EBF2: variants seen among roughly 807,000 people sequenced by gnomAD.
EBF2 encodes EBF transcription factor 2, also known as transcription factor COE2.
A neutral mutation model predicts 72.8 loss-of-function variants in EBF2; 21 were observed. That is an observed-to-expected ratio of 0.29 (90% CI 0.20 to 0.42). EBF2 has a LOEUF of 0.42. EBF2 is among the 10% of genes least tolerant of loss of function. The pLI is 1.00. For missense variants in EBF2, 637 were observed against 731.2 expected, an observed-to-expected ratio of 0.87 and a Z score of 1.49; for synonymous variants, 299 against 274.2, an observed-to-expected ratio of 1.09 and a Z score of -0.89.
In EBF2 at chr8:26,044,937, C is replaced by T. The variant is rs1805678173; in HGVS notation, c.-78G>A. The T allele has an allele frequency of 6.7e-7, 1 of 1,494,944 alleles. No homozygotes were observed. Among genetic ancestry groups the T allele is most frequent in the Admixed American group, 1.9e-5 (1 of 53,262 alleles). The allele number at this position is 1,494,944 out of a possible 1,614,324, so 92.6% of individuals were successfully genotyped here. Reference sequence around the variant, plus strand: ...TCCTGACTGTTCCCAACGTTGCCAGCAAATCGTCTCCTCCAAAGCAATCCA... The same window carrying T: ...TCCTGACTGTTCCCAACGTTGCCAGTAAATCGTCTCCTCCAAAGCAATCCA... On this transcript the variant is annotated 5_prime_UTR_variant, in exon 1 of 16. Transcript: ENST00000520164. The surrounding 1 kb of genome is among the most constrained non-coding windows in gnomAD (Gnocchi z 4.1).
chr8:25,931,506 T>C (rs995364316), intron 6 of EBF2, among the ~76,000 whole-genome samples: 5 of 152,194 alleles, frequency 3.3e-5, no homozygotes, highest in Admixed American at 2.6e-4. Context: ...ATAGAGAGAA[T>C]AATTCACTCC....
rs1484325449 is a variant in EBF2 at position 26,042,249 on chromosome 8, C to G, written c.134G>C (p.Gly45Ala). 1 of 1,612,432 alleles carries G rather than the reference C, an allele frequency of 6.2e-7. No homozygotes were observed. The highest frequency in any genetic ancestry group is 1.3e-5 in the African/African-American group (1 of 74,852). ...AAAGTGGGCCCGGGACAGGGCGACCCCGCTGCACAGGGAGAAAAACGGGGG... is the reference window on the plus strand; with the variant it reads ...AAAGTGGGCCCGGGACAGGGCGACCGCGCTGCACAGGGAGAAAAACGGGGG... ...VVDANVAAQSGVALSRAHFEK... is the reference protein window; with the variant it reads ...VVDANVAAQSAVALSRAHFEK... Residue 45 changes from glycine to alanine, a missense_variant and splice_region_variant, in exon 2 of 16, where the codon GGG becomes GCG. By Grantham distance (60) the Gly-to-Ala change is moderately conservative (BLOSUM62 0). Coordinates refer to ENST00000520164, the MANE Select transcript of EBF2 (RefSeq NM_022659.4).
chr8:25,903,350 G>A (rs896138442), intron 7 of EBF2, among the ~76,000 whole-genome samples: 6 of 152,060 alleles, frequency 3.9e-5, no homozygotes, highest in Non-Finnish European at 8.8e-5. Context: ...CATATTTTAA[G>A]AGGTAACTCT....
At chr8:25,920,164 G>T (rs1362644673) in intron 6 of EBF2, among the ~76,000 whole-genome samples, 1 of 152,156 alleles carries the variant, frequency 6.6e-6, no homozygotes. Context: ...AAAGGGTCAT[G>T]GAAATCTTTA....
intron 6 of EBF2, among the ~76,000 whole-genome samples, chr8:26,031,196 A>G (rs1805397358): frequency 6.6e-6 from 1 of 152,172 alleles, no homozygotes; most frequent in South Asian, 2.1e-4. Flanking sequence ...AAGATAGTGG[A>G]AAAGACTAGA....
intron 6 of EBF2, among the ~76,000 whole-genome samples, chr8:25,954,293 C>T (rs1456619372): frequency 6.6e-6 from 1 of 152,166 alleles, no homozygotes; most frequent in African/African-American, 2.4e-5. Context: ...CACAGCATCC[C>T]AGAGGGCTGC....
intron 5 of EBF2, 52 bp downstream of exon 5, chr8:26,039,976 G>T: frequency 6.3e-7 from 1 of 1,586,912 alleles, no homozygotes; most frequent in South Asian, 1.1e-5. Context: ...CCAAGGCGGG[G>T]CTGGAGCACC....
intron 6 of EBF2, among the ~76,000 whole-genome samples, chr8:26,012,127 T>C (rs1585227149): frequency 6.6e-6 from 1 of 152,340 alleles, no homozygotes; most frequent in East Asian, 1.9e-4. Context: ...ATCATTTCCC[T>C]AGAGTTCCTG....
At chr8:25,861,420 G>A in intron 11 of EBF2, 46 bp from the exon 12 acceptor site, 1 of 1,604,084 alleles carries the variant, frequency 6.2e-7, no homozygotes, top group Non-Finnish European at 8.5e-7. Context: ...CAAAATCCAA[G>A]ATGGCAAACA....
rs1468615211 is a variant in EBF2, at chr8:25,847,867, C to T, written c.1696+2727G>A. ...CGACAGGTAGTTCTATTTTTTTCCTCCCCGACCTACTCCAAACATTTTATC... is the reference window on the plus strand; with the variant it reads ...CGACAGGTAGTTCTATTTTTTTCCTTCCCGACCTACTCCAAACATTTTATC... On this transcript the variant is annotated intron_variant, in intron 15 of 15. Coordinates refer to ENST00000520164, the MANE Select transcript of EBF2 (RefSeq NM_022659.4). Among the ~76,000 whole-genome samples, 6 of 151,924 alleles carry T rather than the reference C, an allele frequency of 3.9e-5. No homozygotes were observed. The East Asian group carries it at 1.2e-3, about 29-fold the overall frequency.
chr8:25,952,994 A>G (rs1009110307), intron 6 of EBF2, among the ~76,000 whole-genome samples: 1 of 152,226 alleles, frequency 6.6e-6, no homozygotes, highest in Non-Finnish European at 1.5e-5. Context: ...ATGTTAGAAC[A>G]GAAAAACAAA....
intron 7 of EBF2, among the ~76,000 whole-genome samples, chr8:25,895,106 A>C (rs1802846534): frequency 1.3e-5 from 2 of 152,154 alleles, no homozygotes; most frequent in Admixed American, 1.3e-4. Flanking sequence ...TGCTGCTGAC[A>C]CTGGTGACAG....
chr8:26,037,580 G>A (rs551376697), intron 5 of EBF2, among the ~76,000 whole-genome samples: 299 of 152,284 alleles, frequency 2.0e-3, no homozygotes, highest in Non-Finnish European at 3.1e-3. Flanking sequence ...TCTAGCCTGC[G>A]CCTTGTGGCG....
At chr8:25,948,562 A>C (rs2117165936) in intron 6 of EBF2, among the ~76,000 whole-genome samples, 1 of 152,368 alleles carries the variant, frequency 6.6e-6, no homozygotes, top group South Asian at 2.1e-4. Flanking sequence ...TAACTACATT[A>C]AAAAGGAAAT....
chr8:25,877,112 C>A (rs1431494587), intron 10 of EBF2, among the ~76,000 whole-genome samples: 1 of 152,164 alleles, frequency 6.6e-6, no homozygotes, highest in Non-Finnish European at 1.5e-5. Flanking sequence ...GTGGTTGGTG[C>A]AGATTTTACA....
intron 10 of EBF2, among the ~76,000 whole-genome samples, chr8:25,868,221 T>G (rs1802369116): frequency 6.6e-6 from 1 of 152,248 alleles, no homozygotes; most frequent in Non-Finnish European, 1.5e-5. Flanking sequence ...AATTGCTTAT[T>G]GTAGCCAACT....
intron 10 of EBF2, among the ~76,000 whole-genome samples, chr8:25,868,143 A>G (rs1802368200): frequency 6.6e-6 from 1 of 152,146 alleles, no homozygotes; most frequent in Non-Finnish European, 1.5e-5. Context: ...TCCTATTTAT[A>G]ATTTTGACTT....
At chr8:25,999,966 G>A (rs1235072131) in intron 6 of EBF2, among the ~76,000 whole-genome samples, 1 of 152,130 alleles carries the variant, frequency 6.6e-6, no homozygotes, top group East Asian at 1.9e-4. Context: ...CAAGGCAGTA[G>A]CACTAGCAAC....
intron 4 of EBF2, 42 bp from the exon 5 acceptor site, chr8:26,040,143 G>A: frequency 6.3e-7 from 1 of 1,595,314 alleles, no homozygotes. Flanking sequence ...TGTGGAGAGG[G>A]GTGGGGGGCA....
Sources: allele counts gnomAD v4.1 joint callset (sites outside exome capture counted in the v4.1 genomes callset), GRCh38; gene constraint gnomAD v4.1.1; non-coding constraint Gnocchi (gnomAD v3.1); transcripts MANE v1.5; gene names NCBI Gene and HGNC (gene_info 2026-07-23, HGNC 2026-07-21).